CLDN16: variants seen among roughly 807,000 people sequenced by gnomAD.
CLDN16 encodes claudin-16.
In CLDN16, 13 loss-of-function variants were observed where a neutral mutation model predicts 24.6. That is an observed-to-expected ratio of 0.53 (90% CI 0.34 to 0.84). The LOEUF (loss-of-function observed/expected upper bound fraction) is 0.84, where lower values mean the gene tolerates loss of function less well. CLDN16 is among the 40% of genes least tolerant of loss of function. The pLI is 0.01. For missense variants in CLDN16, 298 were observed against 292.7 expected (o/e 1.02, Z -0.13); for synonymous variants, 116 against 106.7 (o/e 1.09, Z -0.54).
At chr3:190,316,853 A>T in the CLDN16 span, among the ~76,000 whole-genome samples, 1 of 152,188 alleles carries the variant, frequency 6.6e-6, no homozygotes, top group East Asian at 1.9e-4. Context: ...ACTGAGAAAT[A>T]CCTCCCTTGA....
upstream of CLDN16, among the ~76,000 whole-genome samples, chr3:190,320,074 G>GT (rs397841156): frequency 1.3e-3 from 150 of 115,394 alleles, no homozygotes; most frequent in Middle Eastern, 0.021. Context: ...AAGTGTGTGT[G>GT]GGGGGGTAGG....
intron 1 of CLDN16, among the ~76,000 whole-genome samples, chr3:190,362,487 G>C (rs748224082): frequency 1.3e-5 from 2 of 151,936 alleles, no homozygotes; most frequent in East Asian, 3.9e-4. Flanking sequence ...TAAAAACTCC[G>C]ATCCTCAAAT....
In CLDN16 at chr3:190,410,277, G is replaced by A; in HGVS notation, c.*241G>A. On this transcript the variant is annotated 3_prime_UTR_variant, in exon 5 of 5. Coordinates refer to ENST00000264734, the MANE Select transcript of CLDN16 (RefSeq NM_006580.4). ...ACACTTTCCCTATATTTTAAGATAA[G>A]TCTGCTAGGATGTAGAAATATTTGT... The A allele has an allele frequency of 2.0e-6, 1 of 506,028 alleles. No homozygotes were observed. Among genetic ancestry groups the A allele is most frequent in the Non-Finnish European group, 3.6e-6 (1 of 281,488 alleles). The allele number at this position is 506,028 out of a possible 1,614,324, so 31.3% of individuals were successfully genotyped here. A position where few individuals can be genotyped will look rare whatever the true frequency, so the allele number is the denominator to read the frequency against.
intron 3 of CLDN16, among the ~76,000 whole-genome samples, 191 bp downstream of exon 3, chr3:190,405,117 T>C (rs1217656697): frequency 6.6e-6 from 1 of 152,182 alleles, no homozygotes; most frequent in African/African-American, 2.4e-5. Flanking sequence ...AGTCTTTTGT[T>C]AATATCTCAG....
chr3:190,377,480 G>T (rs2108650978), intron 3 of CLDN16, among the ~76,000 whole-genome samples: 1 of 151,964 alleles, frequency 6.6e-6, no homozygotes, highest in Non-Finnish European at 1.5e-5. Context: ...AATAAGTTTA[G>T]TTGAGCTTTG....
chr3:190,347,569 A>G (rs1717578201), intron 1 of CLDN16, among the ~76,000 whole-genome samples: 1 of 152,216 alleles, frequency 6.6e-6, no homozygotes, highest in Non-Finnish European at 1.5e-5. Context: ...CTTAGGTATC[A>G]AGGACACAGT....
At chr3:190,408,043 G>T (rs556298505) in intron 3 of CLDN16, among the ~76,000 whole-genome samples, 8 of 152,112 alleles carry the variant, frequency 5.3e-5, no homozygotes, top group Admixed American at 4.6e-4. Context: ...AAACCATAAC[G>T]ATGAATTTCG....
At chr3:190,408,962 T>C (rs1719188819) in intron 4 of CLDN16, among the ~76,000 whole-genome samples, 1 of 150,350 alleles carries the variant, frequency 6.7e-6, no homozygotes, top group Non-Finnish European at 1.5e-5. Context: ...TATATGTATA[T>C]GTATACATAT....
intron 1 of CLDN16, among the ~76,000 whole-genome samples, chr3:190,332,644 G>A (rs1717207589): frequency 6.6e-6 from 1 of 152,114 alleles, no homozygotes; most frequent in Admixed American, 6.5e-5. Context: ...TAAGTTAGCA[G>A]AAAGATAAGA....
At chr3:190,316,767 A>G in the CLDN16 span, among the ~76,000 whole-genome samples, 10 of 152,294 alleles carry the variant, frequency 6.6e-5, no homozygotes, top group East Asian at 1.9e-3. Context: ...ACATGTCTTT[A>G]TCCTTTAAAA....
intron 3 of CLDN16, among the ~76,000 whole-genome samples, chr3:190,381,452 C>T (rs1718367920): frequency 6.6e-6 from 1 of 152,060 alleles, no homozygotes; most frequent in African/African-American, 2.4e-5. Context: ...CATCACCTGC[C>T]ACTCCAGCTT....
chr3:190,375,530 T>C (rs1027321913), intron 3 of CLDN16, among the ~76,000 whole-genome samples: 1 of 151,978 alleles, frequency 6.6e-6, no homozygotes, highest in African/African-American at 2.4e-5. Flanking sequence ...TTGAGAGATT[T>C]AGACATTGCT....
At chr3:190,335,057 C>T (rs12630736) in intron 1 of CLDN16, among the ~76,000 whole-genome samples, 98,254 of 138,140 alleles carry the variant, frequency 0.71, 34,316 homozygotes, top group East Asian at 0.93. Context: ...TGTTTGTTTG[C>T]TTTTGAGATG....
the CLDN16 span, among the ~76,000 whole-genome samples, chr3:190,303,695 T>C: frequency 1.3e-5 from 2 of 152,306 alleles, no homozygotes; most frequent in East Asian, 3.9e-4. Flanking sequence ...AAATAACAAC[T>C]TACCCTCCTG....
At chr3:190,318,476 T>G (rs576918390), upstream of CLDN16, among the ~76,000 whole-genome samples, 5 of 152,282 alleles carry the variant, frequency 3.3e-5, no homozygotes, top group South Asian at 1.0e-3. Flanking sequence ...CTAGCTTGCA[T>G]CTGTTGAATG....
intron 1 of CLDN16, among the ~76,000 whole-genome samples, chr3:190,393,547 G>A (rs1718733487): frequency 6.6e-6 from 1 of 152,116 alleles, no homozygotes; most frequent in African/African-American, 2.4e-5. Flanking sequence ...ACAGCAGCAG[G>A]CAGATATGAA....
At chr3:190,345,572 T>C (rs1187831396) in intron 1 of CLDN16, among the ~76,000 whole-genome samples, 3 of 152,148 alleles carry the variant, frequency 2.0e-5, no homozygotes, top group Non-Finnish European at 4.4e-5. Context: ...TTTACAGGCC[T>C]AGCTCCGTCT....
chr3:190,383,166 A>AAAACAAAC (rs574915963), upstream of CLDN16, among the ~76,000 whole-genome samples: 1 of 152,120 alleles, frequency 6.6e-6, no homozygotes, highest in Non-Finnish European at 1.5e-5. Flanking sequence ...TCTCCCTTTC[A>AAAACAAAC]AAACAAACAA....
At chr3:190,331,232 C>T (rs1468175764) in intron 1 of CLDN16, among the ~76,000 whole-genome samples, 1 of 152,186 alleles carries the variant, frequency 6.6e-6, no homozygotes, top group Admixed American at 6.6e-5. Context: ...GATGTCTTCT[C>T]CCAAGCAACT....
Sources: gnomAD v4.1 joint callset for allele counts (sites outside exome capture counted in the v4.1 genomes callset) on GRCh38, gnomAD v4.1.1 for gene constraint, MANE v1.5 for transcripts, NCBI Gene and HGNC (gene_info 2026-07-23, HGNC 2026-07-21) for gene names.